GNB1L: variants seen among roughly 807,000 people sequenced by gnomAD.
GNB1L encodes the protein guanine nucleotide-binding protein subunit beta-like protein 1.
In GNB1L, 20 loss-of-function variants were observed where a neutral mutation model predicts 29.1. That is an observed-to-expected ratio of 0.69 (90% CI 0.48 to 1.00). The LOEUF (loss-of-function observed/expected upper bound fraction) is 1.00. Ranked by LOEUF, GNB1L falls within the 50% of genes least tolerant of loss-of-function variation. The pLI, the probability that GNB1L is intolerant of heterozygous loss-of-function variation, is 0.00. For missense variants in GNB1L, 421 were observed against 464.9 expected (o/e 0.91, Z 0.87); for synonymous variants, 193 against 206.5 (o/e 0.93, Z 0.56).
At chr22:19,849,544 T>A (rs1176464536) in intron 2 of GNB1L, 1 of 380,202 alleles carries the variant, frequency 2.6e-6, no homozygotes, top group Admixed American at 6.4e-5. Context: ...AATTTTGTAT[T>A]TTTAGGAGAG....
rs758548638 is a variant in GNB1L at position 19,801,993 on chromosome 22, G to A, written c.732+8C>T. 4.5e-5 allele frequency: 70 copies of A among 1,569,018 alleles called. No individual in the cohort carries two copies. Among genetic ancestry groups the A allele is most frequent in the Non-Finnish European group, 5.6e-5 (65 of 1,157,392 alleles). ...GGATAAATGAGACCCGGGGCCTGGC[G>A]CACTGACCTGCAGGGCCTGCTGCCA... On this transcript the variant is annotated splice_region_variant and intron_variant, in intron 7 of 7. Coordinates refer to ENST00000329517, the MANE Select transcript of GNB1L (RefSeq NM_053004.3).
rs750804625 is a variant in GNB1L, at chr22:19,812,153, G to A, written c.417+132C>T. 843 of 940,356 alleles carry A rather than the reference G, an allele frequency of 9.0e-4. 2 individuals carry two copies. The highest frequency in any genetic ancestry group is 1.2e-3 in the Non-Finnish European group (739 of 642,536). 58.3% of individuals were successfully genotyped at this position (940,356 alleles called of 1,614,324 possible). A position where few individuals can be genotyped will look rare whatever the true frequency, so the allele number is the denominator to read the frequency against. On this transcript the variant is annotated intron_variant, in intron 5 of 7. Transcript: ENST00000329517. ...GCCTAGCCGGCTGTGCATCAGCCCCGGCTGCTGAAGCTGCCGGCAGGTGGG... is the reference window on the plus strand; with the variant it reads ...GCCTAGCCGGCTGTGCATCAGCCCCAGCTGCTGAAGCTGCCGGCAGGTGGG...
Position 19,784,829 on chromosome 22 carries a change from G to C in GNB1L, c.*3880C>G, listed in dbSNP as rs1937177460. ...CCACCTGCACCGGAGGCAGCGGCTGGGGATGCTGGAGCATACGGCTCCAGC... is the reference window on the plus strand; with the variant it reads ...CCACCTGCACCGGAGGCAGCGGCTGCGGATGCTGGAGCATACGGCTCCAGC... On this transcript the variant is annotated 3_prime_UTR_variant, in exon 8 of 8. Transcript: ENST00000329517. The C allele has an allele frequency of 1.3e-5, 2 of 152,250 alleles. No homozygotes were observed. Among genetic ancestry groups the C allele is most frequent in the South Asian group, 4.1e-4 (2 of 4,836 alleles). 9.4% of individuals were successfully genotyped at this position (152,250 alleles called of 1,614,324 possible). A position where few individuals can be genotyped will look rare whatever the true frequency, so the allele number is the denominator to read the frequency against.
At chr22:19,792,645 G>T (rs1937264403) in intron 7 of GNB1L, 4 of 1,567,198 alleles carry the variant, frequency 2.6e-6, no homozygotes, top group Admixed American at 3.4e-5. Context: ...GTTGGCCTGG[G>T]CTGAGAAGAA....
chr22:19,828,863 G>T, intron 2 of GNB1L, among the ~76,000 whole-genome samples: 1 of 146,140 alleles, frequency 6.8e-6, no homozygotes. Flanking sequence ...ACAGAATCTT[G>T]CTCTGTCACC....
Position 19,788,281 on chromosome 22 carries a change from C to T in GNB1L, c.*428G>A. On this transcript the variant is annotated 3_prime_UTR_variant, in exon 8 of 8. Coordinates refer to ENST00000329517, the MANE Select transcript of GNB1L (RefSeq NM_053004.3). The stretch of plus-strand genomic sequence containing the variant: ...CTCCTGAGGCCTGGCCCAGGAAACC[C>T]ACACTCGGGGTGGCCCATTCAACAG... The T allele has an allele frequency of 2.1e-6, 1 of 466,816 alleles. No homozygotes were observed. Among genetic ancestry groups the T allele is most frequent in the Non-Finnish European group, 3.8e-6 (1 of 261,886 alleles). The allele number at this position is 466,816 out of a possible 1,614,324, so 28.9% of individuals were successfully genotyped here. A position where few individuals can be genotyped will look rare whatever the true frequency, so the allele number is the denominator to read the frequency against.
At chr22:19,849,362 GTTT>G in intron 2 of GNB1L, 6 of 858,332 alleles carry the variant, frequency 7.0e-6, no homozygotes, top group Non-Finnish European at 8.4e-6. Flanking sequence ...TAAGGTTTTT[GTTT>G]TTTGTTGTTT....
At chr22:19,836,492 C>A (rs1667807282) in intron 2 of GNB1L, among the ~76,000 whole-genome samples, 1 of 152,002 alleles carries the variant, frequency 6.6e-6, no homozygotes, top group Admixed American at 6.6e-5. Context: ...ATTATTTTCC[C>A]AGAAAACAGA....
rs991689395 is a variant in GNB1L, at chr22:19,837,448, A to G, written c.-20-16073T>C. On this transcript the variant is annotated intron_variant, in intron 2 of 7. Transcript: ENST00000329517. The stretch of plus-strand genomic sequence containing the variant: ...AATAGATTTGAACAAACACTTCACC[A>G]AAGAAGATATGCAAATGGCAAATAA... Among the ~76,000 whole-genome samples the G allele has an allele frequency of 7.9e-5, 12 of 152,264 alleles. No individual in the cohort carries two copies. In the East Asian group the frequency reaches 2.1e-3, roughly 27 times the overall value.
At position 19,798,370 on chromosome 22, in the gene GNB1L, TTC is replaced by T. The variant is rs1937331153; in HGVS notation, c.732+3629_732+3630del. ...CTGATTTGATGCCATCGTCACCCAT[TTC>T]TCTCCTGTGACCTCTGCCCTAAGTC... On this transcript the variant is annotated intron_variant, in intron 7 of 7. Coordinates refer to ENST00000329517, the MANE Select transcript of GNB1L (RefSeq NM_053004.3). Among the ~76,000 whole-genome samples the T allele has an allele frequency of 3.3e-5, 5 of 152,274 alleles. No homozygotes were observed. The South Asian group carries it at 1.0e-3, about 32-fold the overall frequency.
intron 4 of GNB1L, among the ~76,000 whole-genome samples, chr22:19,815,042 A>G (rs2145877382): frequency 6.6e-6 from 1 of 152,212 alleles, no homozygotes; most frequent in South Asian, 2.1e-4. Context: ...CCTCAAAAAA[A>G]AAAAAAAGAC....
chr22:19,792,019 C>G (rs1213201642), intron 7 of GNB1L, among the ~76,000 whole-genome samples: 1 of 152,218 alleles, frequency 6.6e-6, no homozygotes, highest in Non-Finnish European at 1.5e-5. Flanking sequence ...CAGTCAGTAA[C>G]TGAACTCCAT....
intron 2 of GNB1L, among the ~76,000 whole-genome samples, chr22:19,831,541 A>T (rs1655847363): frequency 2.0e-5 from 3 of 151,768 alleles, no homozygotes. Flanking sequence ...AATACAAAAA[A>T]TTAGCTGGGT....
intron 4 of GNB1L, among the ~76,000 whole-genome samples, chr22:19,819,333 G>C (rs1291302288): frequency 6.6e-6 from 1 of 152,238 alleles, no homozygotes; most frequent in African/African-American, 2.4e-5. Flanking sequence ...AGGATGGTGC[G>C]ACAGCCACAG....
At chr22:19,811,554 C>T (rs932492582) in intron 5 of GNB1L, among the ~76,000 whole-genome samples, 1 of 152,180 alleles carries the variant, frequency 6.6e-6, no homozygotes, top group Non-Finnish European at 1.5e-5. Flanking sequence ...TTGGGCACCC[C>T]TCCCTTGGCA....
intron 7 of GNB1L, among the ~76,000 whole-genome samples, chr22:19,798,204 C>G (rs937955146): frequency 1.3e-5 from 2 of 152,218 alleles, no homozygotes; most frequent in African/African-American, 2.4e-5. Context: ...TGCGCAGGGC[C>G]GTGAGGGGAT....
chr22:19,854,778 G>A (rs538510212), intron 1 of GNB1L, 42 bp downstream of exon 1: 64 of 152,488 alleles, frequency 4.2e-4, no homozygotes, highest in African/African-American at 1.2e-3. Flanking sequence ...CCGCGTGCAC[G>A]GAGTTCAAGC....
At chr22:19,795,558 C>A (rs1184553301) in intron 7 of GNB1L, among the ~76,000 whole-genome samples, 5 of 152,198 alleles carry the variant, frequency 3.3e-5, no homozygotes, top group African/African-American at 1.2e-4. Flanking sequence ...GCACTGCGTG[C>A]ATTCACTGAC....
chr22:19,834,308 C>G (rs1937728408), intron 2 of GNB1L, among the ~76,000 whole-genome samples: 1 of 152,124 alleles, frequency 6.6e-6, no homozygotes, highest in Non-Finnish European at 1.5e-5. Context: ...GCAAAATATT[C>G]TTTGGGGATG....
Sources: gnomAD v4.1 joint callset for allele counts (sites outside exome capture counted in the v4.1 genomes callset) on GRCh38, gnomAD v4.1.1 for gene constraint, MANE v1.5 for transcripts, NCBI Gene and HGNC (gene_info 2026-07-23, HGNC 2026-07-21) for gene names.